Variants in LGSN observed in about 807,000 individuals in gnomAD.
The protein encoded by LGSN is lengsin, lens protein with glutamine synthetase domain.
A neutral mutation model predicts 19.5 loss-of-function variants in LGSN; 21 were observed. The ratio of observed to expected loss-of-function variants is 1.07; its 90% CI spans 0.76 to 1.55. The LOEUF is 1.55. Ranked by LOEUF, LGSN falls within the 40% of genes most tolerant of loss-of-function variation. LGSN has a pLI of 0.00. For missense variants in LGSN, 673 were observed against 608.5 expected (o/e 1.11, Z -1.12); for synonymous variants, 257 against 215.6 (o/e 1.19, Z -1.68).
At chr6:63,412,463 AAAAAGAGAGAGAAGAAAGAG>A in the LGSN span, among the ~76,000 whole-genome samples, 14 of 125,466 alleles carry the variant, frequency 1.1e-4, no homozygotes, top group African/African-American at 4.1e-4. Flanking sequence ...AGAAAGAAAG[AAAAAGAGAGAGAAGAAAGAG>A]AAGAAAGAAA....
chr6:63,372,599 G>A, the LGSN span, among the ~76,000 whole-genome samples: 1 of 152,102 alleles, frequency 6.6e-6, no homozygotes, highest in Admixed American at 6.6e-5. Context: ...ATGATACATT[G>A]TAAATTATTT....
the LGSN span, among the ~76,000 whole-genome samples, chr6:63,356,412 C>G: frequency 6.6e-6 from 1 of 151,784 alleles, no homozygotes; most frequent in East Asian, 1.9e-4. Context: ...TGTGGTGGCT[C>G]GTGCCTGTGA....
chr6:63,328,342 C>G, the LGSN span, among the ~76,000 whole-genome samples: 1 of 152,200 alleles, frequency 6.6e-6, no homozygotes, highest in African/African-American at 2.4e-5. Flanking sequence ...GTTCCCCATC[C>G]TCTGGGAGAA....
the LGSN span, among the ~76,000 whole-genome samples, chr6:63,431,424 A>C: frequency 2.6e-5 from 4 of 152,312 alleles, no homozygotes; most frequent in Middle Eastern, 0.01. Flanking sequence ...AGCAGAGAGA[A>C]TGGAGGACTT....
chr6:63,523,021 C>T, the LGSN span, among the ~76,000 whole-genome samples: 44 of 152,056 alleles, frequency 2.9e-4, no homozygotes, highest in African/African-American at 1.0e-3. Context: ...TGTGCCACCA[C>T]GCTGATCTAA....
At chr6:63,456,854 A>T in the LGSN span, among the ~76,000 whole-genome samples, 439 of 152,328 alleles carry the variant, frequency 2.9e-3, 1 homozygote, top group African/African-American at 0.01. Context: ...GGCTCCAAGC[A>T]CATTGTTGCA....
the LGSN span, among the ~76,000 whole-genome samples, chr6:63,412,810 GAAGGAAAGGAAGGA>G: frequency 2.0e-5 from 3 of 146,520 alleles, no homozygotes; most frequent in East Asian, 2.0e-4. Flanking sequence ...AAGAAGGAAG[GAAGGAAAGGAAGGA>G]AAGGAAAGGA....
At chr6:63,462,570 G>T in the LGSN span, among the ~76,000 whole-genome samples, 3 of 152,194 alleles carry the variant, frequency 2.0e-5, no homozygotes, top group African/African-American at 7.2e-5. Flanking sequence ...CTGAGACAGA[G>T]GTTGCAGTGA....
At chr6:63,328,335 C>T in the LGSN span, among the ~76,000 whole-genome samples, 1 of 152,186 alleles carries the variant, frequency 6.6e-6, no homozygotes, top group Non-Finnish European at 1.5e-5. Context: ...TCGATTGGTT[C>T]CCCATCCTCT....
the LGSN span, among the ~76,000 whole-genome samples, chr6:63,365,322 A>C: frequency 1.3e-5 from 2 of 152,198 alleles, no homozygotes; most frequent in African/African-American, 4.8e-5. Flanking sequence ...CACGCAAATA[A>C]ACTAGAAAAT....
At chr6:63,321,215 A>G (rs1393545670), upstream of LGSN, among the ~76,000 whole-genome samples, 3 of 152,088 alleles carry the variant, frequency 2.0e-5, no homozygotes, top group Non-Finnish European at 4.4e-5. Flanking sequence ...GTTTTTCTCA[A>G]TCCTCTTCTG....
At chr6:63,308,032 C>CTGAA (rs1222995895) in intron 1 of LGSN, among the ~76,000 whole-genome samples, 3 of 152,122 alleles carry the variant, frequency 2.0e-5, no homozygotes, top group Non-Finnish European at 4.4e-5. Flanking sequence ...GAAGAGGGCG[C>CTGAA]ATTTCAGCTG....
chr6:63,452,238 C>T, the LGSN span, among the ~76,000 whole-genome samples: 236 of 151,758 alleles, frequency 1.6e-3, no homozygotes, highest in African/African-American at 5.4e-3. Flanking sequence ...GTTGGTTTTT[C>T]GTTTGTTTGT....
the LGSN span, among the ~76,000 whole-genome samples, chr6:63,553,375 C>T: frequency 6.6e-6 from 1 of 152,228 alleles, no homozygotes; most frequent in East Asian, 1.9e-4. Context: ...TTTTCACACA[C>T]AATTTTGGTC....
At chr6:63,305,522 C>T (rs1768348868) in intron 1 of LGSN, among the ~76,000 whole-genome samples, 1 of 152,222 alleles carries the variant, frequency 6.6e-6, no homozygotes. Flanking sequence ...CTGCCAATCA[C>T]AGGCAGCCAA....
At chr6:63,473,456 A>G in the LGSN span, among the ~76,000 whole-genome samples, 1 of 145,684 alleles carries the variant, frequency 6.9e-6, no homozygotes, top group Non-Finnish European at 1.5e-5. Flanking sequence ...CCTGGGTAAC[A>G]GAGCGACACT....
intron 1 of LGSN, among the ~76,000 whole-genome samples, chr6:63,302,352 ACTTT>A (rs897945053): frequency 1.3e-5 from 2 of 152,186 alleles, no homozygotes; most frequent in African/African-American, 4.8e-5. Context: ...ATTCTGATGA[ACTTT>A]CTTAAAGCTC....
chr6:63,523,810 C>T, the LGSN span, among the ~76,000 whole-genome samples: 159 of 152,144 alleles, frequency 1.0e-3, no homozygotes, highest in Non-Finnish European at 1.2e-3. Context: ...TTCAGTGGGG[C>T]CCGGAGAAGC....
the LGSN span, chr6:63,521,795 A>C: frequency 6.6e-6 from 1 of 152,238 alleles, no homozygotes. Flanking sequence ...GAACTGAAAT[A>C]ATCATCAATC....
Sources: allele counts gnomAD v4.1 joint callset (sites outside exome capture counted in the v4.1 genomes callset), GRCh38; gene constraint gnomAD v4.1.1; transcripts MANE v1.5; gene names NCBI Gene and HGNC (gene_info 2026-07-23, HGNC 2026-07-21).